Variants in FAM135A observed in about 807,000 individuals in gnomAD.
FAM135A encodes the protein family with sequence similarity 135 member A, also known as protein FAM135A.
Under a neutral mutation model 146.8 loss-of-function variants are expected in FAM135A, and 79 were observed. The observed-to-expected ratio is 0.54, with a 90% confidence interval of 0.45 to 0.65. The LOEUF (loss-of-function observed/expected upper bound fraction) is 0.65, where lower values mean the gene tolerates loss of function less well. Ranked by LOEUF, FAM135A falls within the 30% of genes least tolerant of loss-of-function variation. The pLI is 0.00. For missense variants in FAM135A, 1,623 were observed against 1,758.2 expected (o/e 0.92, Z 1.38); for synonymous variants, 562 against 603.6 (o/e 0.93, Z 1.01).
At chr6:70,424,015 A>G (rs1277776709) in intron 2 of FAM135A, among the ~76,000 whole-genome samples, 1 of 152,204 alleles carries the variant, frequency 6.6e-6, no homozygotes, top group Non-Finnish European at 1.5e-5. Context: ...AAAATAAACA[A>G]TGAAAAAACT....
rs773427862 is a variant in FAM135A at position 70,502,688 on chromosome 6, A to G, written c.926A>G (p.Gln309Arg). The G allele has an allele frequency of 6.2e-7, 1 of 1,613,392 alleles. No homozygotes were observed. Among genetic ancestry groups the G allele is most frequent in the Admixed American group, 1.7e-5 (1 of 59,992 alleles). Residue 309 changes from glutamine to arginine, a missense_variant, in exon 12 of 22, where the codon CAA becomes CGA. Coordinates refer to ENST00000418814, the MANE Select transcript of FAM135A (RefSeq NM_001162529.3). ...LAELINMNLA[Q>R]LCSLLMALWG... ...GAACTTATAAATATGAATCTTGCGC[A>G]ACTTTGCTCACTTTTGATGGCTTTA...
chr6:70,524,770 G>A lies in FAM135A; in HGVS notation c.1686G>A (p.Lys562=). Residue 562 remains lysine, a synonymous_variant, in exon 15 of 22, where the codon AAG becomes AAA. Transcript: ENST00000418814. ...PTICGYNFDP[K]TYMRQTSQKE... is the part of the protein sequence containing the mutation. The stretch of plus-strand genomic sequence containing the variant: ...TATGTGGATATAATTTTGACCCAAA[G>A]ACCTACATGAGACAGACAAGTCAAA... The A allele has an allele frequency of 6.5e-7, 1 of 1,549,988 alleles. No homozygotes were observed. Among genetic ancestry groups the A allele is most frequent in the African/African-American group, 1.4e-5 (1 of 72,984 alleles).
intron 8 of FAM135A, 85 bp from the exon 9 acceptor site, chr6:70,480,816 T>G: frequency 1.5e-6 from 2 of 1,360,598 alleles, no homozygotes; most frequent in Non-Finnish European, 2.0e-6. Flanking sequence ...GCTGTTCTAT[T>G]CCTGTAAGAT....
intron 4 of FAM135A, among the ~76,000 whole-genome samples, chr6:70,451,980 C>A (rs146570543): frequency 3.3e-5 from 5 of 151,040 alleles, no homozygotes; most frequent in Admixed American, 2.0e-4. Context: ...TTTCAAAAAT[C>A]TTTTAGAATA....
At chr6:70,442,240 T>G (rs975999003) in intron 4 of FAM135A, among the ~76,000 whole-genome samples, 1 of 137,826 alleles carries the variant, frequency 7.3e-6, no homozygotes, top group Non-Finnish European at 1.6e-5. Context: ...TCTTCATGGG[T>G]TTTTTTTTTT....
intron 20 of FAM135A, among the ~76,000 whole-genome samples, chr6:70,547,284 C>A (rs545101324): frequency 1.3e-5 from 2 of 151,878 alleles, no homozygotes; most frequent in Non-Finnish European, 2.9e-5. Context: ...TCTGAAAGTG[C>A]GGGAAAGAAC....
At chr6:70,522,737 G>T in intron 13 of FAM135A, 151 bp downstream of exon 13, 2 of 630,224 alleles carry the variant, frequency 3.2e-6, no homozygotes, top group East Asian at 2.9e-5. Context: ...TAATCAAATT[G>T]TTTCATCTTA....
chr6:70,471,275 G>T (rs1262053647), intron 5 of FAM135A, among the ~76,000 whole-genome samples: 1 of 152,168 alleles, frequency 6.6e-6, no homozygotes, highest in Non-Finnish European at 1.5e-5. Context: ...TATAATGATG[G>T]ATCATAGGAT....
Position 70,526,520 on chromosome 6 carries a change from A to G in FAM135A, c.3436A>G (p.Thr1146Ala). 3.7e-6 allele frequency: 6 copies of G among 1,613,610 alleles called. No homozygotes were observed. The highest frequency in any genetic ancestry group is 3.4e-6 in the Non-Finnish European group (4 of 1,179,692). Residue 1146 changes from threonine to alanine, a missense_variant, in exon 15 of 22, where the codon ACT (threonine) becomes GCT (alanine). By Grantham distance (58) the Thr-to-Ala change is moderately conservative. This residue lies in a region of FAM135A where 1,061 missense variants were observed against 1,113.8 expected (regional missense o/e 0.95). Transcript: ENST00000418814. ...DYLRDGINMP[T>A]VCTSGCLSFP... ...TCTGAGAGATGGTATAAACATGCCT[A>G]CTGTCTGTACTTCTGGTTGTTTGTC...
rs112440367 is a variant in FAM135A, at chr6:70,552,491, C to T, written c.4229-4259C>T. On this transcript the variant is annotated intron_variant, in intron 20 of 21. Transcript: ENST00000418814. ...TTTTTTTTTTTTTTTTTTTTTGAGA[C>T]GGAGGCTTGCTCTGTTGCTCAGGCT... Among the ~76,000 whole-genome samples, 555 of 116,526 alleles carry T rather than the reference C, an allele frequency of 4.8e-3. 3 individuals are homozygous for T. Among genetic ancestry groups the T allele is most frequent in the African/African-American group, 0.018 (525 of 29,518 alleles). 76.4% of individuals were successfully genotyped at this position (116,526 alleles called of 152,430 possible).
intron 4 of FAM135A, among the ~76,000 whole-genome samples, chr6:70,437,822 A>G (rs1773539533): frequency 6.6e-6 from 1 of 152,164 alleles, no homozygotes; most frequent in African/African-American, 2.4e-5. Flanking sequence ...TCTTTGAAAA[A>G]CAATTTCCAT....
chr6:70,519,854 C>G (rs1793149056), intron 12 of FAM135A, among the ~76,000 whole-genome samples: 1 of 151,918 alleles, frequency 6.6e-6, no homozygotes. Context: ...GACCCTAACC[C>G]ATAATATTTC....
Position 70,455,375 on chromosome 6 carries a change from G to A in FAM135A, c.157+2804G>A, listed in dbSNP as rs571984900. On this transcript the variant is annotated intron_variant, in intron 5 of 21. Transcript: ENST00000418814. ...ATGCTCACAGAGGTCTGTTGCTTAT[G>A]ACAAATACACACACACACACACACA... Among the ~76,000 whole-genome samples the A allele has an allele frequency of 4.4e-3, 593 of 134,230 alleles. 3 individuals carry two copies. Among genetic ancestry groups the A allele is most frequent in the Middle Eastern group, 0.016 (4 of 254 alleles). The allele number at this position is 134,230 out of a possible 152,430, so 88.1% of individuals were successfully genotyped here.
chr6:70,532,190 T>C (rs1210850450), intron 16 of FAM135A, among the ~76,000 whole-genome samples: 1 of 152,138 alleles, frequency 6.6e-6, no homozygotes, highest in Admixed American at 6.5e-5. Context: ...ACTGATTTCT[T>C]ATCCTTCTTA....
chr6:70,519,581 G>A (rs1465234807), intron 12 of FAM135A, among the ~76,000 whole-genome samples: 1 of 152,150 alleles, frequency 6.6e-6, no homozygotes, highest in Non-Finnish European at 1.5e-5. Flanking sequence ...CATAGCCACT[G>A]CAGCCACCCT....
Position 70,525,546 on chromosome 6 carries a change from A to C in FAM135A, c.2462A>C (p.Asn821Thr). 1 of 1,612,710 alleles carries C rather than the reference A, an allele frequency of 6.2e-7. No individual in the cohort carries two copies. The highest frequency in any genetic ancestry group is 1.3e-5 in the African/African-American group (1 of 74,988). The change falls in exon 15 of 22, where the codon AAT (asparagine) becomes ACT (threonine). Residue 821 changes from asparagine to threonine, a missense_variant. Around this residue, in one of 7 missense-constraint regions of FAM135A, gnomAD observed 1,061 missense variants for 1,113.8 expected, o/e 0.95. Coordinates refer to ENST00000418814, the MANE Select transcript of FAM135A (RefSeq NM_001162529.3). ...PDYNVKFSLG[N>T]HCTESTSAIS... ...TATAATGTAAAATTTTCATTAGGAA[A>C]TCATTGTACTGAGAGTACAAGTGCT...
At chr6:70,492,600 C>T (rs1786256721) in intron 11 of FAM135A, among the ~76,000 whole-genome samples, 1 of 149,144 alleles carries the variant, frequency 6.7e-6, no homozygotes. Flanking sequence ...GGCTAATGGT[C>T]AGTGCTCACA....
intron 4 of FAM135A, among the ~76,000 whole-genome samples, chr6:70,452,250 T>C (rs114772751): frequency 1.2e-3 from 190 of 152,216 alleles, no homozygotes; most frequent in African/African-American, 4.3e-3. Flanking sequence ...AGAAATATTA[T>C]ATGTATTGTA....
At chr6:70,546,078 T>C (rs1798817566) in intron 20 of FAM135A, among the ~76,000 whole-genome samples, 1 of 151,998 alleles carries the variant, frequency 6.6e-6, no homozygotes, top group South Asian at 2.1e-4. Flanking sequence ...GCATATCTAG[T>C]GAATTGTGAG....
Sources: allele counts gnomAD v4.1 joint callset (sites outside exome capture counted in the v4.1 genomes callset), GRCh38; gene constraint gnomAD v4.1.1; regional missense constraint gnomAD v4.1.1; transcripts MANE v1.5; gene names NCBI Gene and HGNC (gene_info 2026-07-23, HGNC 2026-07-21).